SENP1: variants seen among roughly 807,000 people sequenced by gnomAD.
SENP1 encodes the protein SUMO specific peptidase 1, also known as sentrin-specific protease 1.
SENP1 carries 21 observed loss-of-function variants against 93.0 expected under a neutral mutation model. That is an observed-to-expected ratio of 0.23 (90% confidence interval 0.16 to 0.33). The LOEUF is 0.33. SENP1 is among the 10% of genes least tolerant of loss of function. The probability of loss-of-function intolerance (pLI) is 1.00; values close to 1 mark genes in which losing one functional copy is unlikely to be tolerated. For synonymous variants in SENP1, 256 were observed against 259.6 expected (o/e 0.99, Z 0.13); for missense variants, 591 against 758.7 (o/e 0.78, Z 2.60).
intron 1 of SENP1, among the ~76,000 whole-genome samples, chr12:48,103,166 T>G (rs955685504): frequency 6.6e-6 from 1 of 152,198 alleles, no homozygotes; most frequent in Admixed American, 6.5e-5. Flanking sequence ...ACTTAAAAGC[T>G]TGGTGCCCAA....
intron 17 of SENP1, among the ~76,000 whole-genome samples, chr12:48,045,632 C>T (rs1172828155): frequency 6.6e-6 from 1 of 152,128 alleles, no homozygotes; most frequent in Non-Finnish European, 1.5e-5. Context: ...GCTATGCCCA[C>T]GTCTCTAAGA....
At chr12:48,056,437 A>AT (rs1257709655) in intron 13 of SENP1, among the ~76,000 whole-genome samples, 1 of 85,408 alleles carries the variant, frequency 1.2e-5, no homozygotes. Context: ...TTACATATAT[A>AT]ATTATTTAAT....
intron 13 of SENP1, chr12:48,055,222 T>C (rs1041982804): frequency 1.0e-4 from 18 of 180,136 alleles, no homozygotes; most frequent in Admixed American, 3.1e-4. Flanking sequence ...GTGTATCATA[T>C]CACGACACTT....
At chr12:48,090,631 C>T (rs996059824) in intron 4 of SENP1, among the ~76,000 whole-genome samples, 6 of 152,206 alleles carry the variant, frequency 3.9e-5, no homozygotes, top group African/African-American at 7.2e-5. Context: ...GGGTCTCACT[C>T]TGTTGCCCAG....
intron 4 of SENP1, among the ~76,000 whole-genome samples, chr12:48,092,316 T>A (rs1048906792): frequency 6.6e-6 from 1 of 152,148 alleles, no homozygotes; most frequent in Admixed American, 6.5e-5. Context: ...GCAATCGATG[T>A]GGGGATTATC....
rs563563527 is a variant in SENP1, at chr12:48,044,906, T to C, written c.*416A>G. On this transcript the variant is annotated 3_prime_UTR_variant, in exon 18 of 18. Coordinates refer to ENST00000549518, the MANE Select transcript of SENP1 (RefSeq NM_001267594.2). ...TGTCCATGTATATGCTGGTGGTTTTTATCCCTACCTTTTGCCCATGCCCTT... is the reference window on the plus strand; with the variant it reads ...TGTCCATGTATATGCTGGTGGTTTTCATCCCTACCTTTTGCCCATGCCCTT... The C allele has an allele frequency of 4.4e-4, 81 of 186,196 alleles. No individual in the cohort carries two copies. Among genetic ancestry groups the C allele is most frequent in the African/African-American group, 1.8e-3 (78 of 43,480 alleles). 11.5% of individuals were successfully genotyped at this position (186,196 alleles called of 1,614,324 possible).
chr12:48,077,097 G>A (rs980763886), intron 6 of SENP1, among the ~76,000 whole-genome samples: 1 of 152,186 alleles, frequency 6.6e-6, no homozygotes, highest in African/African-American at 2.4e-5. Context: ...TTCTGCATCA[G>A]TTTGCCTAGG....
chr12:48,088,594 T>G (rs571820955), intron 5 of SENP1: 1 of 552,208 alleles, frequency 1.8e-6, no homozygotes, highest in South Asian at 2.5e-5. Context: ...AAATTCTCTC[T>G]TCTAGTAAGA....
At chr12:48,090,809 G>C (rs907572630) in intron 4 of SENP1, among the ~76,000 whole-genome samples, 1 of 152,108 alleles carries the variant, frequency 6.6e-6, no homozygotes, top group East Asian at 1.9e-4. Flanking sequence ...TGTTGCCCAG[G>C]CTGGAATCGA....
intron 1 of SENP1, among the ~76,000 whole-genome samples, chr12:48,103,390 T>C (rs563372043): frequency 1.3e-5 from 2 of 152,330 alleles, no homozygotes; most frequent in Non-Finnish European, 2.9e-5. Context: ...TCAAATCCTT[T>C]AACACAACCT....
chr12:48,070,900 T>C (rs1040997860), intron 9 of SENP1, among the ~76,000 whole-genome samples: 1 of 152,104 alleles, frequency 6.6e-6, no homozygotes, highest in Non-Finnish European at 1.5e-5. Context: ...AAAACCAGCC[T>C]GGTCAACATA....
chr12:48,046,861 C>T (rs1941408357), intron 16 of SENP1, 117 bp downstream of exon 16: 17 of 658,120 alleles, frequency 2.6e-5, no homozygotes, highest in Admixed American at 1.1e-4. Flanking sequence ...ACCAACCAAC[C>T]AAGCTGAAGT....
At chr12:48,046,481 T>A (rs754697591) in intron 16 of SENP1, 30 bp from the exon 17 acceptor site, 5 of 1,411,430 alleles carry the variant, frequency 3.5e-6, no homozygotes, top group Non-Finnish European at 5.0e-6. Context: ...AAAAATGACA[T>A]CTTTCCAAGC....
chr12:48,080,068 T>C (rs1944401297), intron 6 of SENP1: 1 of 152,224 alleles, frequency 6.6e-6, no homozygotes, highest in Non-Finnish European at 1.5e-5. Flanking sequence ...AAACTACCTG[T>C]GTTTTTGCCA....
intron 13 of SENP1, among the ~76,000 whole-genome samples, chr12:48,056,785 T>TATATAA (rs1163549321): frequency 3.5e-5 from 1 of 28,592 alleles, no homozygotes; most frequent in Non-Finnish European, 5.2e-5. Context: ...ACATATTACA[T>TATATAA]ATATATTATT....
intron 5 of SENP1, chr12:48,085,169 C>T: frequency 6.9e-7 from 1 of 1,442,890 alleles, no homozygotes; most frequent in Non-Finnish European, 9.7e-7. Context: ...ACCCCAATTT[C>T]CTGGTGGTGG....
At position 48,081,572 on chromosome 12, in the gene SENP1, T is replaced by TG. The variant is rs1282345595; in HGVS notation, c.552+2018_552+2019insC. 4 of 147,056 alleles carry TG rather than the reference T, an allele frequency of 2.7e-5. No homozygotes were observed. In the East Asian group the frequency reaches 7.9e-4, roughly 29 times the overall value. The allele number at this position is 147,056 out of a possible 1,614,324, so 9.1% of individuals were successfully genotyped here. Reference sequence around the variant, plus strand: ...CACTTGAATGTTGGTGTTTTTTCGTTTTTTTTTTTTTTTTTTGAGACAGTG... The same window carrying TG: ...CACTTGAATGTTGGTGTTTTTTCGTTGTTTTTTTTTTTTTTTTGAGACAGTG... On this transcript the variant is annotated intron_variant, in intron 6 of 17. Transcript: ENST00000549518.
In SENP1 at chr12:48,064,933, T is replaced by A. The variant is rs1943194139; in HGVS notation, c.1275+132A>T. 5 of 645,090 alleles carry A rather than the reference T, an allele frequency of 7.8e-6. No homozygotes were observed. The South Asian group carries it at 1.0e-4, about 13-fold the overall frequency. The allele number at this position is 645,090 out of a possible 1,614,324, so 40.0% of individuals were successfully genotyped here. A position where few individuals can be genotyped will look rare whatever the true frequency, so the allele number is the denominator to read the frequency against. Reference sequence around the variant, plus strand: ...CTCAAGTGATCCACCCGCTTCAGTCTCCCAAAGTGATGGGATTACAGGCGT... The same window carrying A: ...CTCAAGTGATCCACCCGCTTCAGTCACCCAAAGTGATGGGATTACAGGCGT... On this transcript the variant is annotated intron_variant, in intron 12 of 17. Transcript: ENST00000549518.
intron 17 of SENP1, 44 bp downstream of exon 17, chr12:48,046,312 G>T (rs1423437105): frequency 1.5e-6 from 2 of 1,341,216 alleles, no homozygotes; most frequent in Non-Finnish European, 2.1e-6. Context: ...GGGCAGCTTG[G>T]AGACAAAGTA....
Sources: allele counts gnomAD v4.1 joint callset (sites outside exome capture counted in the v4.1 genomes callset), GRCh38; gene constraint gnomAD v4.1.1; transcripts MANE v1.5; gene names NCBI Gene and HGNC (gene_info 2026-07-23, HGNC 2026-07-21).